FGFRL1: variants seen among roughly 807,000 people sequenced by gnomAD.
FGFRL1 encodes the protein fibroblast growth factor receptor-like 1.
FGFRL1 carries 24 observed loss-of-function variants against 36.8 expected under a neutral mutation model. The observed-to-expected ratio is 0.65, with a 90% confidence interval of 0.47 to 0.92. The LOEUF (loss-of-function observed/expected upper bound fraction) is 0.92. Among genes scored for constraint, FGFRL1 ranks in the 40% least tolerant of loss-of-function variants. The probability of loss-of-function intolerance (pLI) is 0.00; values close to 1 mark genes in which losing one functional copy is unlikely to be tolerated. For synonymous variants in FGFRL1, 422 were observed against 344.1 expected (o/e 1.23, Z -2.50); for missense variants, 785 against 753.4 (o/e 1.04, Z -0.49).
chr4:1,016,906 T>C (rs2153025752), intron 2 of FGFRL1, among the ~76,000 whole-genome samples: 1 of 151,940 alleles, frequency 6.6e-6, no homozygotes, highest in Non-Finnish European at 1.5e-5. Flanking sequence ...GACTCTGGGG[T>C]TTCCCACTCA....
At chr4:1,020,610 G>A (rs1220022802) in intron 2 of FGFRL1, among the ~76,000 whole-genome samples, 3 of 139,702 alleles carry the variant, frequency 2.1e-5, no homozygotes, top group Admixed American at 7.1e-5. Context: ...CCAGGCAGGG[G>A]ATGGGGTGGG....
intron 2 of FGFRL1, among the ~76,000 whole-genome samples, chr4:1,019,484 G>T (rs1201892156): frequency 6.6e-6 from 1 of 152,238 alleles, no homozygotes; most frequent in Non-Finnish European, 1.5e-5. Context: ...CCTGTGGGTG[G>T]TGGGATTTCA....
Position 1,026,432 on chromosome 4 carries a change from G to GTCCCCGCCTCAGTCCCCGCCTCCA in FGFRL1, c.*1096_*1119dup, listed in dbSNP as rs1338733021. The GTCCCCGCCTCAGTCCCCGCCTCCA allele has an allele frequency of 9.4e-5, 15 of 159,738 alleles. No individual in the cohort carries two copies. The East Asian group carries it at 2.8e-3, about 30-fold the overall frequency. 9.9% of individuals were successfully genotyped at this position (159,738 alleles called of 1,614,324 possible). A position where few individuals can be genotyped will look rare whatever the true frequency, so the allele number is the denominator to read the frequency against. On this transcript the variant is annotated 3_prime_UTR_variant, in exon 7 of 7. Transcript: ENST00000510644. ...CACTCCCCCAACTCTGCCCGCCTCT[G>GTCCCCGCCTCAGTCCCCGCCTCCA]TCCCCGCCTCAGTCCCCGCCTCCAT...
intron 2 of FGFRL1, among the ~76,000 whole-genome samples, 198 bp downstream of exon 2, chr4:1,012,762 G>A (rs1423365445): frequency 6.6e-6 from 1 of 152,256 alleles, no homozygotes; most frequent in Non-Finnish European, 1.5e-5. Flanking sequence ...TCCCCTAGCT[G>A]GCTGGAGGGG....
Position 1,025,769 on chromosome 4 carries a change from CGT to C in FGFRL1, c.*424_*425del, listed in dbSNP as rs1560567109. 1 of 248,972 alleles carries C rather than the reference CGT, an allele frequency of 4.0e-6. No homozygotes were observed. Among genetic ancestry groups the C allele is most frequent in the African/African-American group, 2.7e-5 (1 of 37,628 alleles). 15.4% of individuals were successfully genotyped at this position (248,972 alleles called of 1,614,324 possible). ...CGGATATGCTGTCTGGACGCACACA[CGT>C]GCAGATATGGTATCCGGACACACAC... On this transcript the variant is annotated 3_prime_UTR_variant, in exon 7 of 7. Coordinates refer to ENST00000510644, the MANE Select transcript of FGFRL1 (RefSeq NM_001004356.3).
chr4:1,023,422 A>ACC lies in FGFRL1; in HGVS notation c.353-217_353-216dup, dbSNP rs1192662317. On this transcript the variant is annotated intron_variant, in intron 3 of 6. Transcript: ENST00000510644. This position sits in a 1 kb window ranked among gnomAD's most constrained non-coding sequence, Gnocchi z 6.0. The stretch of plus-strand genomic sequence containing the variant: ...GAATGGGGGCCGGCCCTCCAGCCCC[A>ACC]CCCGTGCCCATCAGGGTCACCTGCG... Among the ~76,000 whole-genome samples, 1 of 151,878 alleles carries ACC rather than the reference A, an allele frequency of 6.6e-6. No individual in the cohort carries two copies. Among genetic ancestry groups the ACC allele is most frequent in the Non-Finnish European group, 1.5e-5 (1 of 67,926 alleles).
At chr4:1,012,672 G>A (rs1178665910) in intron 2 of FGFRL1, 108 bp downstream of exon 2, 1 of 418,736 alleles carries the variant, frequency 2.4e-6, no homozygotes, top group Non-Finnish European at 4.0e-6. Context: ...GCCATGCCCC[G>A]CCCCTGCCGC....
rs1169045746 is a variant in FGFRL1, at chr4:1,012,459, A to G, written c.-16-11A>G. The G allele has an allele frequency of 5.7e-6, 9 of 1,575,732 alleles. No homozygotes were observed. The highest frequency in any genetic ancestry group is 2.3e-5 in the South Asian group (2 of 88,180). ...TCCACGTGTTAGTGACGGCGCCCCC[A>G]ATGTCCCCAGGTCCGGACAGGCCGA... On this transcript the variant is annotated splice_polypyrimidine_tract_variant and intron_variant, in intron 1 of 6. Coordinates refer to ENST00000510644, the MANE Select transcript of FGFRL1 (RefSeq NM_001004356.3).
At chr4:1,017,611 C>T (rs988809057) in intron 2 of FGFRL1, among the ~76,000 whole-genome samples, 2 of 152,198 alleles carry the variant, frequency 1.3e-5, no homozygotes, top group African/African-American at 2.4e-5. Context: ...TAGAGGCGTC[C>T]TGGGAGGTGC....
rs892405098 is a variant in FGFRL1, at chr4:1,024,292, G to A, written c.719-19G>A. 6.4e-6 allele frequency: 10 copies of A among 1,569,204 alleles called. No homozygotes were observed. Among genetic ancestry groups the A allele is most frequent in the African/African-American group, 2.7e-5 (2 of 74,290 alleles). ...CCGGCGCGGCCCAGGAGCCATGCCC[G>A]CGTGCCACGTTCCCACAGAGCGGAC... On this transcript the variant is annotated intron_variant, in intron 5 of 6. Coordinates refer to ENST00000510644, the MANE Select transcript of FGFRL1 (RefSeq NM_001004356.3).
intron 2 of FGFRL1, among the ~76,000 whole-genome samples, chr4:1,019,685 C>A (rs768146235): frequency 2.6e-5 from 4 of 152,176 alleles, no homozygotes; most frequent in Non-Finnish European, 4.4e-5. Flanking sequence ...GGCAGCCCCC[C>A]ACAGCCGCCA....
At chr4:1,017,435 C>T (rs533561505) in intron 2 of FGFRL1, among the ~76,000 whole-genome samples, 111 of 152,326 alleles carry the variant, frequency 7.3e-4, no homozygotes, top group African/African-American at 2.5e-3. Context: ...TCTGTCCCCA[C>T]AGACGCCCCA....
intron 3 of FGFRL1, 30 bp downstream of exon 3, chr4:1,022,505 G>A (rs779811440): frequency 6.4e-7 from 1 of 1,561,644 alleles, no homozygotes; most frequent in South Asian, 1.2e-5. Flanking sequence ...AGAGGTCATG[G>A]GCTGGGTTGG....
chr4:1,022,033 G>C (rs1273785278), intron 2 of FGFRL1, among the ~76,000 whole-genome samples, 170 bp from the exon 3 acceptor site: 1 of 152,230 alleles, frequency 6.6e-6, no homozygotes, highest in Non-Finnish European at 1.5e-5. Flanking sequence ...GGGCAGCTGA[G>C]GCCTGGGTCA....
intron 2 of FGFRL1, among the ~76,000 whole-genome samples, chr4:1,017,018 G>A (rs1022023604): frequency 6.6e-6 from 1 of 152,166 alleles, no homozygotes; most frequent in Non-Finnish European, 1.5e-5. Flanking sequence ...GGGGACCACC[G>A]GCTGCAGAAG....
chr4:1,017,033 A>G (rs1010278175), intron 2 of FGFRL1, among the ~76,000 whole-genome samples: 6 of 152,278 alleles, frequency 3.9e-5, no homozygotes, highest in African/African-American at 1.4e-4. Context: ...CAGAAGGCTC[A>G]GCACCTGGAT....
rs958278430 is a variant in FGFRL1, at chr4:1,012,551, C to T, written c.66C>T (p.Ala22=). ...PPLLLGAFPP[A]AAARGPPKMA... is the part of the protein sequence containing the mutation. Reference sequence around the variant, plus strand: ...TGCTGCTGGGGGCCTTCCCGCCGGCCGCCGCCGCCCGAGGTGAGTTCTGGC... The same window carrying T: ...TGCTGCTGGGGGCCTTCCCGCCGGCTGCCGCCGCCCGAGGTGAGTTCTGGC... Residue 22 remains alanine, a synonymous_variant, in exon 2 of 7, where the codon GCC becomes GCT. Transcript: ENST00000510644. 8.3e-6 allele frequency: 12 copies of T among 1,452,822 alleles called. No homozygotes were observed. The highest frequency in any genetic ancestry group is 1.3e-5 in the South Asian group (1 of 79,434). The allele number at this position is 1,452,822 out of a possible 1,614,324, so 90.0% of individuals were successfully genotyped here.
chr4:1,012,414 G>A (rs577999274), intron 1 of FGFRL1, 56 bp from the exon 2 acceptor site: 1 of 1,561,674 alleles, frequency 6.4e-7, no homozygotes, highest in African/African-American at 1.4e-5. Flanking sequence ...CCGGGACCGG[G>A]GAGGGCGGTA....
chr4:1,010,490 C>G (rs930029643), upstream of FGFRL1, among the ~76,000 whole-genome samples: 1 of 152,254 alleles, frequency 6.6e-6, no homozygotes, highest in Admixed American at 6.5e-5. Context: ...CTCTCCTCGG[C>G]CTGGGGACAC....
Sources: gnomAD v4.1 joint callset for allele counts (sites outside exome capture counted in the v4.1 genomes callset) on GRCh38, gnomAD v4.1.1 for gene constraint, Gnocchi (gnomAD v3.1) non-coding constraint, MANE v1.5 for transcripts, NCBI Gene and HGNC (gene_info 2026-07-23, HGNC 2026-07-21) for gene names.